TNS3: variants seen among roughly 807,000 people sequenced by gnomAD.
The protein encoded by TNS3 is tensin-3.
Under a neutral mutation model 140.9 loss-of-function variants are expected in TNS3, and 45 were observed. The ratio of observed to expected loss-of-function variants is 0.32; its 90% CI spans 0.25 to 0.41. The LOEUF is 0.41. TNS3 is among the 10% of genes least tolerant of loss of function. The pLI is 1.00. For missense variants in TNS3, 1,716 were observed against 1,906.7 expected, an observed-to-expected ratio of 0.90 and a Z score of 1.86; for synonymous variants, 815 against 788.4, an observed-to-expected ratio of 1.03 and a Z score of -0.56.
chr7:47,422,526 T>C (rs1383655829), intron 10 of TNS3, among the ~76,000 whole-genome samples: 2 of 151,958 alleles, frequency 1.3e-5, no homozygotes, highest in Non-Finnish European at 2.9e-5. Context: ...GGTGGAAGGA[T>C]TGCTTGAGCC....
chr7:47,399,266 G>T (rs533009883), intron 15 of TNS3, among the ~76,000 whole-genome samples: 1 of 151,966 alleles, frequency 6.6e-6, no homozygotes, highest in Admixed American at 6.6e-5. Context: ...GCAATCTACA[G>T]ATTCAATGCA....
intron 20 of TNS3, among the ~76,000 whole-genome samples, chr7:47,318,856 C>G (rs1460219845): frequency 6.6e-6 from 1 of 152,226 alleles, no homozygotes; most frequent in Non-Finnish European, 1.5e-5. Flanking sequence ...ACCTAAGATG[C>G]TTGGTTCCAA....
chr7:47,526,746 A>C (rs1332064595), intron 2 of TNS3, among the ~76,000 whole-genome samples: 1 of 152,230 alleles, frequency 6.6e-6, no homozygotes, highest in Non-Finnish European at 1.5e-5. Flanking sequence ...CATGCTGCTC[A>C]TGACAGCTCT....
chr7:47,403,576 C>T (rs1793279247), intron 13 of TNS3, among the ~76,000 whole-genome samples: 1 of 152,160 alleles, frequency 6.6e-6, no homozygotes, highest in Non-Finnish European at 1.5e-5. Flanking sequence ...ATACACAATC[C>T]CTGTTTCATA....
chr7:47,411,638 T>G (rs1249562473), intron 13 of TNS3, 89 bp downstream of exon 13: 7 of 1,376,854 alleles, frequency 5.1e-6, no homozygotes, highest in Non-Finnish European at 7.0e-6. Flanking sequence ...GGGTGAGGGT[T>G]ACTGTTTTAA....
chr7:47,485,995 T>C (rs2151808236), intron 3 of TNS3, among the ~76,000 whole-genome samples: 1 of 151,674 alleles, frequency 6.6e-6, no homozygotes, highest in Non-Finnish European at 1.5e-5. Context: ...TGTGGGTGTG[T>C]GAGTGTGGGT....
At chr7:47,365,520 T>G (rs946764520) in intron 17 of TNS3, among the ~76,000 whole-genome samples, 1 of 151,842 alleles carries the variant, frequency 6.6e-6, no homozygotes, top group Non-Finnish European at 1.5e-5. Flanking sequence ...TCCCAGCACT[T>G]TGGGAAGCCG....
At chr7:47,352,646 G>A (rs941582372) in intron 17 of TNS3, among the ~76,000 whole-genome samples, 3 of 152,144 alleles carry the variant, frequency 2.0e-5, no homozygotes, top group South Asian at 2.1e-4. Context: ...TCTCCAGGAC[G>A]AGGCCACCCA....
intron 16 of TNS3, among the ~76,000 whole-genome samples, chr7:47,376,466 A>T (rs1398005374): frequency 1.8e-4 from 27 of 152,172 alleles, no homozygotes. Context: ...AGCTCCTCCC[A>T]TGCGCCCAGC....
intron 20 of TNS3, among the ~76,000 whole-genome samples, chr7:47,335,946 AC>A (rs906859980): frequency 5.3e-5 from 8 of 152,202 alleles, no homozygotes; most frequent in African/African-American, 1.9e-4. Context: ...GAGAGGACCC[AC>A]CAGACACCAC....
intron 16 of TNS3, among the ~76,000 whole-genome samples, chr7:47,370,136 C>T (rs1328005265): frequency 1.3e-5 from 2 of 152,006 alleles, no homozygotes; most frequent in Non-Finnish European, 2.9e-5. Flanking sequence ...ATTAGCTGGG[C>T]GTGGTGGCGC....
chr7:47,524,840 A>C (rs1230342071), intron 2 of TNS3, among the ~76,000 whole-genome samples: 1 of 147,514 alleles, frequency 6.8e-6, no homozygotes, highest in Non-Finnish European at 1.5e-5. Context: ...AAAAAAAGGC[A>C]ATGGGAGCAG....
At chr7:47,432,340 C>A (rs1264559926) in intron 8 of TNS3, among the ~76,000 whole-genome samples, 1 of 152,150 alleles carries the variant, frequency 6.6e-6, no homozygotes, top group Non-Finnish European at 1.5e-5. Context: ...ACCCTCAGCC[C>A]CCTCGCCATG....
rs183952066 is a variant in TNS3 at position 47,291,761 on chromosome 7, C to T, written c.3928+194G>A. On this transcript the variant is annotated intron_variant, in intron 27 of 30. Coordinates refer to ENST00000311160, the MANE Select transcript of TNS3 (RefSeq NM_022748.12). ...TTTAGTCTTGCTTGAGTTAGACCGGCCCATGAAGGCCTTGCTGATGTCCCA... is the reference window on the plus strand; with the variant it reads ...TTTAGTCTTGCTTGAGTTAGACCGGTCCATGAAGGCCTTGCTGATGTCCCA... 1.1e-4 allele frequency among the ~76,000 whole-genome samples: 16 copies of T among 152,292 alleles called. No homozygotes were observed. The East Asian group carries it at 2.7e-3, about 26-fold the overall frequency.
At chr7:47,429,890 C>T (rs185894025) in intron 8 of TNS3, among the ~76,000 whole-genome samples, 1 of 152,190 alleles carries the variant, frequency 6.6e-6, no homozygotes, top group African/African-American at 2.4e-5. Flanking sequence ...CTTATAGATA[C>T]TCAATGCGGG....
At chr7:47,425,341 A>C (rs1562724393) in intron 9 of TNS3, among the ~76,000 whole-genome samples, 3 of 152,066 alleles carry the variant, frequency 2.0e-5, no homozygotes, top group East Asian at 1.9e-4. Flanking sequence ...AACAACAACA[A>C]CACCTGATAA....
At chr7:47,498,364 C>T (rs1415147890) in intron 3 of TNS3, among the ~76,000 whole-genome samples, 1 of 152,194 alleles carries the variant, frequency 6.6e-6, no homozygotes, top group East Asian at 1.9e-4. Flanking sequence ...TGCAGGGACC[C>T]ACATTCTCCC....
Position 47,287,577 on chromosome 7 carries a change from A to G in TNS3, c.3929-3712T>C, listed in dbSNP as rs571250469. 1.6e-4 allele frequency among the ~76,000 whole-genome samples: 24 copies of G among 152,308 alleles called. No individual in the cohort carries two copies. The South Asian group carries it at 2.9e-3, about 18-fold the overall frequency. On this transcript the variant is annotated intron_variant, in intron 27 of 30. Coordinates refer to ENST00000311160, the MANE Select transcript of TNS3 (RefSeq NM_022748.12). Reference sequence around the variant, plus strand: ...GCAATAATTCCACCGTCTTGCTACAATGGTTGTTCTGCACTGATTCTAAAC... The same window carrying G: ...GCAATAATTCCACCGTCTTGCTACAGTGGTTGTTCTGCACTGATTCTAAAC...
chr7:47,461,349 C>T (rs1008560702), intron 4 of TNS3, among the ~76,000 whole-genome samples: 1 of 152,254 alleles, frequency 6.6e-6, no homozygotes, highest in Non-Finnish European at 1.5e-5. Flanking sequence ...CATGGATCTG[C>T]TGTCTCCCTG....
Sources: allele counts gnomAD v4.1 joint callset (sites outside exome capture counted in the v4.1 genomes callset), GRCh38; gene constraint gnomAD v4.1.1; transcripts MANE v1.5; gene names NCBI Gene and HGNC (gene_info 2026-07-23, HGNC 2026-07-21).